MGMT: variants seen among roughly 807,000 people sequenced by gnomAD.
The protein encoded by MGMT is O-6-methylguanine-DNA methyltransferase.
Under a neutral mutation model 15.9 loss-of-function variants are expected in MGMT, and 14 were observed. The observed-to-expected ratio is 0.88, with a 90% confidence interval of 0.58 to 1.37. The LOEUF is 1.37. MGMT is among the 40% of genes most tolerant of loss of function. MGMT has a pLI of 0.00. For synonymous variants in MGMT, 130 were observed against 118.2 expected (o/e 1.10, Z -0.65); for missense variants, 282 against 268.1 (o/e 1.05, Z -0.36).
chr10:129,467,402 G>GC, intron 1 of MGMT, 106 bp downstream of exon 1: 1 of 1,381,012 alleles, frequency 7.2e-7, no homozygotes, highest in Non-Finnish European at 9.4e-7. Context: ...CGTCGGGTGT[G>GC]GGGCCGCCCT....
rs184030024 is a variant in MGMT at position 129,741,148 on chromosome 10, A to T, written c.275-18054A>T. Among the ~76,000 whole-genome samples, 76 of 152,234 alleles carry T rather than the reference A, an allele frequency of 5.0e-4. 1 individual carries two copies. The East Asian group carries it at 0.012, about 24-fold the overall frequency. On this transcript the variant is annotated intron_variant, in intron 3 of 4. Coordinates refer to ENST00000651593, the MANE Select transcript of MGMT (RefSeq NM_002412.5). The stretch of plus-strand genomic sequence containing the variant: ...CCCCAAGAACAGATTTGACTTTTGA[A>T]AAGTGGTCTGAAAGTCAGCCTCCCC...
intron 2 of MGMT, among the ~76,000 whole-genome samples, chr10:129,606,514 C>A: frequency 6.6e-6 from 1 of 152,170 alleles, no homozygotes; most frequent in East Asian, 1.9e-4. Flanking sequence ...CCGCACCCGG[C>A]GCTAGGCAGT....
intron 2 of MGMT, among the ~76,000 whole-genome samples, chr10:129,634,896 A>G (rs191407692): frequency 3.9e-5 from 6 of 152,102 alleles, no homozygotes; most frequent in Admixed American, 2.6e-4. Flanking sequence ...CAGTATTGTG[A>G]ATTTTACCTT....
At chr10:129,597,848 A>T (rs1846769178) in intron 2 of MGMT, among the ~76,000 whole-genome samples, 1 of 152,248 alleles carries the variant, frequency 6.6e-6, no homozygotes, top group African/African-American at 2.4e-5. Context: ...GGGTCGAAAC[A>T]CAAAGACTGA....
At chr10:129,663,724 A>G (rs1847626420) in intron 2 of MGMT, among the ~76,000 whole-genome samples, 1 of 152,234 alleles carries the variant, frequency 6.6e-6, no homozygotes, top group African/African-American at 2.4e-5. Context: ...TTTGAAGTGC[A>G]TAATTAGGAA....
intron 2 of MGMT, among the ~76,000 whole-genome samples, chr10:129,565,182 G>T (rs1475934963): frequency 6.6e-6 from 1 of 152,162 alleles, no homozygotes; most frequent in African/African-American, 2.4e-5. Context: ...AAAACAGCTT[G>T]TGCAGCCGCT....
intron 2 of MGMT, among the ~76,000 whole-genome samples, chr10:129,706,816 G>A (rs1848168849): frequency 6.6e-6 from 1 of 152,158 alleles, no homozygotes; most frequent in Non-Finnish European, 1.5e-5. Context: ...ATCCACCCCT[G>A]CTGGAGATGG....
chr10:129,697,076 G>A (rs1378139817), intron 2 of MGMT, among the ~76,000 whole-genome samples: 5 of 152,288 alleles, frequency 3.3e-5, no homozygotes, highest in South Asian at 2.1e-4. Flanking sequence ...GGGAGCTTGA[G>A]ACTGTATGAT....
Position 129,599,997 on chromosome 10 carries a change from G to C in MGMT, c.125+63620G>C, listed in dbSNP as rs530528787. ...AAGTAGGTAGGTAGGTAGGTAGGTA[G>C]GTAGGTAGATGTCTGCTAGCAATTT... On this transcript the variant is annotated intron_variant, in intron 2 of 4. Transcript: ENST00000651593. Among the ~76,000 whole-genome samples, 59 of 152,250 alleles carry C rather than the reference G, an allele frequency of 3.9e-4. No homozygotes were observed. In the South Asian group the frequency reaches 0.012, roughly 30 times the overall value.
At chr10:129,501,214 CTTG>C (rs1845571429) in intron 1 of MGMT, among the ~76,000 whole-genome samples, 2 of 152,320 alleles carry the variant, frequency 1.3e-5, no homozygotes, top group South Asian at 4.1e-4. Flanking sequence ...CATGTACTCA[CTTG>C]TTCAAAGTTG....
At chr10:129,597,982 C>T (rs183958589) in intron 2 of MGMT, among the ~76,000 whole-genome samples, 126 of 152,272 alleles carry the variant, frequency 8.3e-4, no homozygotes, top group African/African-American at 3.0e-3. Flanking sequence ...TGCGCAGTGG[C>T]CCACTGTGAT....
At chr10:129,620,796 C>T (rs1847082487) in intron 2 of MGMT, among the ~76,000 whole-genome samples, 1 of 152,092 alleles carries the variant, frequency 6.6e-6, no homozygotes, top group African/African-American at 2.4e-5. Context: ...AGTTAATGTA[C>T]TCATCAATAG....
At chr10:129,611,052 G>T (rs1391846241) in intron 2 of MGMT, among the ~76,000 whole-genome samples, 1 of 152,130 alleles carries the variant, frequency 6.6e-6, no homozygotes, top group Non-Finnish European at 1.5e-5. Flanking sequence ...GTTCTATTTT[G>T]CAGTTTTTAT....
intron 2 of MGMT, among the ~76,000 whole-genome samples, chr10:129,664,426 A>G (rs7901881): frequency 0.39 from 59,739 of 152,154 alleles, 12,314 homozygotes; most frequent in South Asian, 0.46. Flanking sequence ...TGGAGTAGGC[A>G]TCAAGGAAGA....
At chr10:129,571,177 C>T (rs1480419088) in intron 2 of MGMT, among the ~76,000 whole-genome samples, 16 of 152,112 alleles carry the variant, frequency 1.1e-4, no homozygotes, top group Admixed American at 1.3e-4. Context: ...ATGAAGGATC[C>T]TAATATTGCA....
chr10:129,754,942 G>A (rs1164695694), intron 3 of MGMT, among the ~76,000 whole-genome samples: 1 of 152,096 alleles, frequency 6.6e-6, no homozygotes. Context: ...GAGCCCCTAG[G>A]GGGCTCCCCA....
intron 3 of MGMT, among the ~76,000 whole-genome samples, chr10:129,746,966 A>C (rs1258696869): frequency 6.6e-6 from 1 of 152,206 alleles, no homozygotes; most frequent in East Asian, 1.9e-4. Flanking sequence ...CATGAACATG[A>C]TATGTCTCCT....
intron 2 of MGMT, among the ~76,000 whole-genome samples, chr10:129,539,500 CTTTTGTTTTGTTTTG>C (rs371970141): frequency 6.6e-6 from 1 of 152,014 alleles, no homozygotes; most frequent in African/African-American, 2.4e-5. Flanking sequence ...TGTGATACAT[CTTTTGTTTTGTTTTG>C]TTTTGTTTTG....
intron 1 of MGMT, among the ~76,000 whole-genome samples, chr10:129,510,800 C>T (rs577786844): frequency 2.3e-3 from 342 of 150,856 alleles, no homozygotes; most frequent in Non-Finnish European, 3.5e-3. Context: ...CCACGTGCTT[C>T]CTGTGATGGG....
Sources: allele counts gnomAD v4.1 joint callset (sites outside exome capture counted in the v4.1 genomes callset), GRCh38; gene constraint gnomAD v4.1.1; transcripts MANE v1.5; gene names NCBI Gene and HGNC (gene_info 2026-07-23, HGNC 2026-07-21).